The following LTBP1 variants were observed in gnomAD, a reference collection of about 807,000 sequenced individuals.
LTBP1 encodes the protein latent transforming growth factor beta binding protein 1.
LTBP1 carries 129 observed loss-of-function variants against 207.6 expected under a neutral mutation model. The ratio of observed to expected loss-of-function variants is 0.62; its 90% CI spans 0.54 to 0.72. LTBP1 has a LOEUF of 0.72. Among genes scored for constraint, LTBP1 ranks in the 30% least tolerant of loss-of-function variants. LTBP1 has a pLI of 0.00. For synonymous variants in LTBP1, 963 were observed against 833.7 expected, an observed-to-expected ratio of 1.16 and a Z score of -2.67; for missense variants, 2,281 against 2,217.2, an observed-to-expected ratio of 1.03 and a Z score of -0.58.
chr2:33,347,570 C>T (rs558701445), intron 26 of LTBP1, 60 bp downstream of exon 26: 12 of 1,600,444 alleles, frequency 7.5e-6, no homozygotes, highest in Admixed American at 1.7e-5. Flanking sequence ...CCTGCACCCA[C>T]ACAGCTTTGG....
At chr2:32,967,506 T>A (rs1680185703) in intron 2 of LTBP1, among the ~76,000 whole-genome samples, 1 of 152,210 alleles carries the variant, frequency 6.6e-6, no homozygotes, top group African/African-American at 2.4e-5. Flanking sequence ...GCAAATTCCA[T>A]TAAGCTGTAT....
chr2:33,113,437 T>A (rs2150295709), intron 4 of LTBP1, among the ~76,000 whole-genome samples: 1 of 152,286 alleles, frequency 6.6e-6, no homozygotes, highest in East Asian at 1.9e-4. Context: ...GTAAAATACA[T>A]TAATGTGTCA....
chr2:33,334,226 A>G (rs1428861013), intron 24 of LTBP1, among the ~76,000 whole-genome samples: 2 of 152,248 alleles, frequency 1.3e-5, no homozygotes, highest in Non-Finnish European at 2.9e-5. Flanking sequence ...AGTAAGAAAT[A>G]TGGAATGATC....
intron 5 of LTBP1, among the ~76,000 whole-genome samples, chr2:33,135,824 C>T (rs915082536): frequency 6.6e-6 from 1 of 152,114 alleles, no homozygotes; most frequent in Non-Finnish European, 1.5e-5. Context: ...TTATGGTTTG[C>T]CATGTGTACT....
intron 2 of LTBP1, among the ~76,000 whole-genome samples, chr2:32,963,674 A>G (rs1679496210): frequency 1.3e-5 from 2 of 152,166 alleles, no homozygotes; most frequent in Admixed American, 6.5e-5. Context: ...ACACTTCTTC[A>G]TATTCTTCAA....
rs772832414 is a variant in LTBP1 at position 33,301,609 on chromosome 2, G to A, written c.3446G>A (p.Gly1149Asp). The change falls in exon 22 of 34, where the codon GGT becomes GAT. Residue 1149 changes from glycine (G) to aspartate (D), a missense_variant. By Grantham distance (94) the Gly-to-Asp change is moderately conservative. Transcript: ENST00000404816. ...TCTTTTCAATGTGTGTGTGACCAGG[G>A]TTACAGAGCATCTGGGCTTGGAGAC... ...EGSFQCVCDQ[G>D]YRASGLGDHC... is the part of the protein sequence containing the mutation. 1 of 1,610,886 alleles carries A rather than the reference G, an allele frequency of 6.2e-7. No homozygotes were observed. Among genetic ancestry groups the A allele is most frequent in the South Asian group, 1.1e-5 (1 of 90,480 alleles).
At chr2:33,196,634 C>G (rs1017204454) in intron 7 of LTBP1, among the ~76,000 whole-genome samples, 1 of 152,114 alleles carries the variant, frequency 6.6e-6, no homozygotes, top group Non-Finnish European at 1.5e-5. Flanking sequence ...ATGAACGGTT[C>G]TGAATTTTCT....
At chr2:32,993,412 T>G (rs1047113758) in intron 2 of LTBP1, among the ~76,000 whole-genome samples, 2 of 152,130 alleles carry the variant, frequency 1.3e-5, no homozygotes, top group South Asian at 2.1e-4. Context: ...CACACACATA[T>G]GCACACACAC....
intron 1 of LTBP1, among the ~76,000 whole-genome samples, chr2:32,948,582 C>A (rs1377272934): frequency 6.6e-6 from 1 of 152,164 alleles, no homozygotes; most frequent in Non-Finnish European, 1.5e-5. Flanking sequence ...AAATTTGGCT[C>A]TACTGTAATT....
At chr2:33,014,610 A>C (rs1405664301) in intron 2 of LTBP1, among the ~76,000 whole-genome samples, 1 of 152,236 alleles carries the variant, frequency 6.6e-6, no homozygotes, top group Non-Finnish European at 1.5e-5. Context: ...CACTGTTTGC[A>C]CTGTGTGGAC....
intron 5 of LTBP1, among the ~76,000 whole-genome samples, chr2:33,150,243 T>C (rs572405419): frequency 6.6e-6 from 1 of 152,328 alleles, no homozygotes; most frequent in South Asian, 2.1e-4. Context: ...CTTGGAATTT[T>C]CACAGTTATT....
At chr2:33,324,448 A>G (rs1275965765) in intron 24 of LTBP1, among the ~76,000 whole-genome samples, 1 of 152,022 alleles carries the variant, frequency 6.6e-6, no homozygotes, top group Non-Finnish European at 1.5e-5. Flanking sequence ...GTTCAGTACT[A>G]TTTGTGGTTC....
At chr2:33,145,527 A>C (rs1227967391) in intron 5 of LTBP1, among the ~76,000 whole-genome samples, 1 of 152,240 alleles carries the variant, frequency 6.6e-6, no homozygotes, top group African/African-American at 2.4e-5. Flanking sequence ...GAGCATTCTT[A>C]GCTAAAGTCT....
At position 33,334,913 on chromosome 2, in the gene LTBP1, T is replaced by TAA. The variant is rs773724430; in HGVS notation, c.3731-7908_3731-7907dup. Among the ~76,000 whole-genome samples, 129 of 128,270 alleles carry TAA rather than the reference T, an allele frequency of 1.0e-3. 2 individuals carry two copies. Among genetic ancestry groups the TAA allele is most frequent in the African/African-American group, 3.3e-3 (122 of 37,042 alleles). The allele number at this position is 128,270 out of a possible 152,430, so 84.2% of individuals were successfully genotyped here. A position where few individuals can be genotyped will look rare whatever the true frequency, so the allele number is the denominator to read the frequency against. On this transcript the variant is annotated intron_variant, in intron 24 of 33. Coordinates refer to ENST00000404816, the MANE Select transcript of LTBP1 (RefSeq NM_206943.4). The stretch of plus-strand genomic sequence containing the variant: ...ATGAGACCTCATCTCTACTAAAAAT[T>TAA]AAAAAAAAAAAAAAAAAATGCCAGG...
intron 3 of LTBP1, among the ~76,000 whole-genome samples, chr2:33,106,325 A>G (rs905205515): frequency 2.6e-5 from 4 of 152,196 alleles, no homozygotes; most frequent in African/African-American, 9.6e-5. Context: ...ATGAATCACA[A>G]ATGTTCTAAT....
chr2:33,189,629 G>T (rs2087613382), intron 7 of LTBP1, among the ~76,000 whole-genome samples: 1 of 152,160 alleles, frequency 6.6e-6, no homozygotes, highest in Non-Finnish European at 1.5e-5. Flanking sequence ...AAATATTTTT[G>T]CCTTTTGCAG....
intron 3 of LTBP1, among the ~76,000 whole-genome samples, chr2:33,049,619 A>T (rs1267932235): frequency 6.6e-6 from 1 of 152,166 alleles, no homozygotes; most frequent in Non-Finnish European, 1.5e-5. Flanking sequence ...AAAACTACTT[A>T]AAAAAATTTA....
chr2:33,233,006 T>C lies in LTBP1; in HGVS notation c.1877-10656T>C, dbSNP rs574810628. On this transcript the variant is annotated intron_variant, in intron 9 of 33. Coordinates refer to ENST00000404816, the MANE Select transcript of LTBP1 (RefSeq NM_206943.4). ...GAGATAATCTCCTAATTCTTTATGTTCTGTAGTTTTATCATTATGTGTCTA... is the reference window on the plus strand; with the variant it reads ...GAGATAATCTCCTAATTCTTTATGTCCTGTAGTTTTATCATTATGTGTCTA... Among the ~76,000 whole-genome samples the C allele has an allele frequency of 7.9e-5, 12 of 152,296 alleles. 1 individual carries two copies. In the South Asian group the frequency reaches 2.5e-3, roughly 32 times the overall value.
chr2:33,285,940 CATG>C (rs2093658122), intron 19 of LTBP1: 2 of 151,994 alleles, frequency 1.3e-5, no homozygotes, highest in South Asian at 4.2e-4. Flanking sequence ...TCTTGGGAGC[CATG>C]ATACTTCTCT....
Sources: gnomAD v4.1 joint callset for allele counts (sites outside exome capture counted in the v4.1 genomes callset) on GRCh38, gnomAD v4.1.1 for gene constraint, MANE v1.5 for transcripts, NCBI Gene and HGNC (gene_info 2026-07-23, HGNC 2026-07-21) for gene names.